The following ST8SIA4 variants were observed in gnomAD, a reference collection of about 807,000 sequenced individuals.
ST8SIA4 encodes CMP-N-acetylneuraminate-poly-alpha-2,8-sialyltransferase.
A neutral mutation model predicts 33.9 loss-of-function variants in ST8SIA4; 15 were observed. The ratio of observed to expected loss-of-function variants is 0.44; its 90% CI spans 0.30 to 0.68. The LOEUF (loss-of-function observed/expected upper bound fraction) is 0.68, where lower values mean the gene tolerates loss of function less well. ST8SIA4 is among the 30% of genes least tolerant of loss of function. The probability of loss-of-function intolerance (pLI) is 0.10; values close to 1 mark genes in which losing one functional copy is unlikely to be tolerated. For missense variants in ST8SIA4, 321 were observed against 428.0 expected (o/e 0.75, Z 2.21); for synonymous variants, 171 against 151.2 (o/e 1.13, Z -0.96).
chr5:100,877,193 C>T (rs1752324360), intron 3 of ST8SIA4, among the ~76,000 whole-genome samples: 2 of 152,054 alleles, frequency 1.3e-5, no homozygotes, highest in Admixed American at 6.6e-5. Context: ...ACCAACCATC[C>T]AACAAATCAA....
At chr5:100,855,347 G>C (rs1176136126) in intron 4 of ST8SIA4, among the ~76,000 whole-genome samples, 2 of 152,124 alleles carry the variant, frequency 1.3e-5, no homozygotes, top group African/African-American at 4.8e-5. Context: ...AATTGTATAT[G>C]CCTCTGTCTG....
rs1189740270 is a variant in ST8SIA4, at chr5:100,903,025, G to T, written c.-70C>A. 2.0e-5 allele frequency: 22 copies of T among 1,118,600 alleles called. No individual in the cohort carries two copies. The highest frequency in any genetic ancestry group is 2.7e-5 in the Non-Finnish European group (20 of 739,290). 69.3% of individuals were successfully genotyped at this position (1,118,600 alleles called of 1,614,324 possible). On this transcript the variant is annotated 5_prime_UTR_variant, in exon 1 of 5. Coordinates refer to ENST00000231461, the MANE Select transcript of ST8SIA4 (RefSeq NM_005668.6). ...TCTCTTGATATAAAGGCTCCGTTTT[G>T]GGGAGATAGTCGCGGGGGTGAAATC...
intron 4 of ST8SIA4, among the ~76,000 whole-genome samples, chr5:100,823,790 G>A (rs1751082163): frequency 6.6e-6 from 1 of 152,208 alleles, no homozygotes. Context: ...TAGCAATCAT[G>A]AAATTCACTT....
At chr5:100,861,761 A>G (rs111824315) in intron 3 of ST8SIA4, among the ~76,000 whole-genome samples, 11 of 152,298 alleles carry the variant, frequency 7.2e-5, no homozygotes, top group African/African-American at 2.6e-4. Context: ...CCAAGCTTAT[A>G]ACTCTTTTTT....
At chr5:100,854,600 A>C (rs1003701464) in intron 4 of ST8SIA4, among the ~76,000 whole-genome samples, 2 of 151,920 alleles carry the variant, frequency 1.3e-5, no homozygotes, top group Non-Finnish European at 2.9e-5. Context: ...AAAACAAAAC[A>C]AAACAAAACA....
At chr5:100,893,655 A>G (rs1397155762) in intron 2 of ST8SIA4, among the ~76,000 whole-genome samples, 1 of 152,158 alleles carries the variant, frequency 6.6e-6, no homozygotes, top group Non-Finnish European at 1.5e-5. Flanking sequence ...ATTTTTATAT[A>G]GCTATTAGGA....
At chr5:100,866,578 T>TCACA (rs141002831) in intron 3 of ST8SIA4, among the ~76,000 whole-genome samples, 3,015 of 146,468 alleles carry the variant, frequency 0.021, 87 homozygotes, top group African/African-American at 0.061. Context: ...CTTCTAAATT[T>TCACA]CACACACACA....
At chr5:100,831,130 T>C (rs1751249930) in intron 4 of ST8SIA4, among the ~76,000 whole-genome samples, 1 of 152,250 alleles carries the variant, frequency 6.6e-6, no homozygotes, top group African/African-American at 2.4e-5. Flanking sequence ...TAATTATATT[T>C]GTCTACCTAA....
Position 100,811,883 on chromosome 5 carries a change from A to G in ST8SIA4, c.1044T>C (p.Ala348=), listed in dbSNP as rs774138089. The G allele has an allele frequency of 1.6e-5, 26 of 1,613,526 alleles. No homozygotes were observed. In the Admixed American group the frequency reaches 4.2e-4, roughly 26 times the overall value. ...CACACTTTCCTGTTGTCAGTTTTAG[A>G]GCTCCTCTATTATGTAGCACATTTA... ...KTLNVLHNRG[A]LKLTTGKCVK... is the part of the protein sequence containing the mutation. Residue 348 remains alanine (A), a synonymous_variant, in exon 5 of 5, where the codon GCT becomes GCC. Coordinates refer to ENST00000231461, the MANE Select transcript of ST8SIA4 (RefSeq NM_005668.6).
intron 3 of ST8SIA4, among the ~76,000 whole-genome samples, chr5:100,858,787 A>G (rs1052777815): frequency 5.3e-5 from 8 of 152,112 alleles, no homozygotes; most frequent in Non-Finnish European, 8.8e-5. Context: ...GAGCAATTGG[A>G]GATCAAAGAG....
At chr5:100,869,830 T>C (rs145128612) in intron 3 of ST8SIA4, among the ~76,000 whole-genome samples, 34 of 152,222 alleles carry the variant, frequency 2.2e-4, no homozygotes, top group Middle Eastern at 3.4e-3. Flanking sequence ...AATAGGGTGG[T>C]CTCAAATTCT....
intron 3 of ST8SIA4, among the ~76,000 whole-genome samples, chr5:100,856,764 A>G (rs918214369): frequency 2.0e-5 from 3 of 152,188 alleles, no homozygotes; most frequent in African/African-American, 7.2e-5. Flanking sequence ...TTTAAACCAC[A>G]TGCTGCTCTA....
At chr5:100,869,598 A>G (rs1165726993) in intron 3 of ST8SIA4, among the ~76,000 whole-genome samples, 1 of 152,012 alleles carries the variant, frequency 6.6e-6, no homozygotes, top group African/African-American at 2.4e-5. Flanking sequence ...GAATATGCTC[A>G]TGTTTCTGTA....
At chr5:100,888,583 GA>G (rs1752591651) in intron 2 of ST8SIA4, among the ~76,000 whole-genome samples, 1 of 151,806 alleles carries the variant, frequency 6.6e-6, no homozygotes, top group Admixed American at 6.6e-5. Flanking sequence ...AGATATGATG[GA>G]AACATTTTTC....
At chr5:100,864,754 C>T (rs78763307) in intron 3 of ST8SIA4, among the ~76,000 whole-genome samples, 1 of 152,092 alleles carries the variant, frequency 6.6e-6, no homozygotes, top group East Asian at 1.9e-4. Flanking sequence ...TTATTAAATT[C>T]AGTACAAAGC....
chr5:100,854,656 C>T (rs1156543041), intron 4 of ST8SIA4, among the ~76,000 whole-genome samples: 1 of 152,044 alleles, frequency 6.6e-6, no homozygotes, highest in Non-Finnish European at 1.5e-5. Context: ...CAAAATAATA[C>T]AATACAAGAA....
intron 3 of ST8SIA4, among the ~76,000 whole-genome samples, chr5:100,861,256 A>T (rs1751935298): frequency 6.6e-6 from 1 of 152,116 alleles, no homozygotes; most frequent in African/African-American, 2.4e-5. Context: ...ACTTGATAGA[A>T]ATACAAACAA....
At chr5:100,838,924 C>T (rs1224102220) in intron 4 of ST8SIA4, among the ~76,000 whole-genome samples, 4 of 152,128 alleles carry the variant, frequency 2.6e-5, no homozygotes, top group African/African-American at 7.2e-5. Context: ...ATGACATCCA[C>T]ATTATAAACT....
At chr5:100,875,977 C>T (rs1310756401) in intron 3 of ST8SIA4, among the ~76,000 whole-genome samples, 1 of 152,022 alleles carries the variant, frequency 6.6e-6, no homozygotes, top group East Asian at 1.9e-4. Flanking sequence ...ATACCTTCTT[C>T]TGCACACAAT....
Sources: allele counts gnomAD v4.1 joint callset (sites outside exome capture counted in the v4.1 genomes callset), GRCh38; gene constraint gnomAD v4.1.1; transcripts MANE v1.5; gene names NCBI Gene and HGNC (gene_info 2026-07-23, HGNC 2026-07-21).